Variants in TSPAN7 observed in about 807,000 individuals in gnomAD.
TSPAN7 encodes tetraspanin-7.
TSPAN7 carries 1 observed loss-of-function variant against 17.6 expected under a neutral mutation model. That is an observed-to-expected ratio of 0.06 (90% CI 0.02 to 0.27). The LOEUF is 0.27. Ranked by LOEUF, TSPAN7 falls within the 10% of genes least tolerant of loss-of-function variation. TSPAN7 has a pLI of 1.00. For missense variants in TSPAN7, 112 were observed against 201.7 expected (o/e 0.56, Z 2.69); for synonymous variants, 78 against 79.0 (o/e 0.99, Z 0.07).
At chrX:38,599,532 C>T (rs1001639379) in intron 1 of TSPAN7, among the ~76,000 whole-genome samples, 11 of 111,186 alleles carry the variant, frequency 9.9e-5, no homozygotes, top group African/African-American at 3.6e-4. Context: ...ATGGTGAATT[C>T]AAAGACAATA....
intron 1 of TSPAN7, among the ~76,000 whole-genome samples, chrX:38,615,233 T>C (rs1175141002): frequency 8.9e-6 from 1 of 111,899 alleles, no homozygotes; most frequent in African/African-American, 3.2e-5. Flanking sequence ...CATGGCTGCT[T>C]AGTTAAGTAC....
chrX:38,609,802 C>T (rs1347763814), intron 1 of TSPAN7, among the ~76,000 whole-genome samples: 1 of 110,208 alleles, frequency 9.1e-6, no homozygotes, highest in Non-Finnish European at 1.9e-5. Context: ...CCGTTCTTGC[C>T]AATTCCTGCA....
At chrX:38,651,050 CATAT>C (rs34201318) in intron 1 of TSPAN7, among the ~76,000 whole-genome samples, 13,949 of 97,956 alleles carry the variant, frequency 0.14, 907 homozygotes, top group East Asian at 0.26. Flanking sequence ...AATGTGATTA[CATAT>C]ATATATATAT....
chrX:38,615,648 A>G (rs1427381274), intron 1 of TSPAN7, among the ~76,000 whole-genome samples: 6 of 112,566 alleles, frequency 5.3e-5, no homozygotes, highest in Admixed American at 1.9e-4. Flanking sequence ...CCTAGAGAAG[A>G]AAATGATGGG....
At chrX:38,649,145 G>T (rs1371463352) in intron 1 of TSPAN7, among the ~76,000 whole-genome samples, 1 of 111,277 alleles carries the variant, frequency 9.0e-6, no homozygotes, top group Non-Finnish European at 1.9e-5. Flanking sequence ...TTAACAGATT[G>T]TGACACAGTG....
At chrX:38,645,482 C>T (rs1206376214) in intron 1 of TSPAN7, among the ~76,000 whole-genome samples, 1 of 111,484 alleles carries the variant, frequency 9.0e-6, no homozygotes, top group Non-Finnish European at 1.9e-5. Context: ...GAGCTCAAGC[C>T]CAGCCTGGGC....
At chrX:38,609,488 G>A (rs931467035) in intron 1 of TSPAN7, among the ~76,000 whole-genome samples, 2 of 110,581 alleles carry the variant, frequency 1.8e-5, no homozygotes, top group Admixed American at 9.7e-5. Flanking sequence ...GCAGCCAAGT[G>A]TCTGTTCTCA....
At chrX:38,634,829 G>C (rs138777451) in intron 1 of TSPAN7, among the ~76,000 whole-genome samples, 145 of 111,079 alleles carry the variant, frequency 1.3e-3, no homozygotes, top group African/African-American at 4.5e-3. Flanking sequence ...CTCAAGAGGT[G>C]CAAGGATGAG....
chrX:38,624,920 G>C (rs1602103798), intron 1 of TSPAN7, among the ~76,000 whole-genome samples: 1 of 112,539 alleles, frequency 8.9e-6, no homozygotes, highest in African/African-American at 3.2e-5. Context: ...ACTAAGGTTT[G>C]AGAGTTTCTA....
rs76677751 is a variant in TSPAN7, at chrX:38,663,081, C to T, written c.82-3040C>T. ...GAAACACGTTTATAGCAGCACGATT[C>T]GCAATTGCAAAAATATAGAACCAGT... On this transcript the variant is annotated intron_variant, in intron 1 of 7. Transcript: ENST00000378482. Among the ~76,000 whole-genome samples the T allele has an allele frequency of 1.9e-4, 21 of 109,828 alleles. 1 individual carries two copies. In the East Asian group the frequency reaches 5.7e-3, roughly 30 times the overall value.
intron 1 of TSPAN7, among the ~76,000 whole-genome samples, chrX:38,585,807 C>T (rs142277120): frequency 3.9e-3 from 431 of 111,519 alleles, no homozygotes; most frequent in Non-Finnish European, 6.8e-3. Flanking sequence ...GTGAAAAAAG[C>T]GTGGAACCTT....
intron 1 of TSPAN7, among the ~76,000 whole-genome samples, chrX:38,606,262 G>A (rs2069382194): frequency 9.0e-6 from 1 of 111,662 alleles, no homozygotes; most frequent in Non-Finnish European, 1.9e-5. Flanking sequence ...GACATGAACA[G>A]ACACTTCTTA....
intron 1 of TSPAN7, among the ~76,000 whole-genome samples, chrX:38,641,245 TG>T (rs920923743): frequency 8.9e-6 from 1 of 112,491 alleles, no homozygotes; most frequent in African/African-American, 3.2e-5. Flanking sequence ...AGAGAGGCTT[TG>T]AACTTTCACA....
At chrX:38,613,579 C>T (rs1486563223) in intron 1 of TSPAN7, among the ~76,000 whole-genome samples, 1 of 111,148 alleles carries the variant, frequency 9.0e-6, no homozygotes, top group East Asian at 2.8e-4. Flanking sequence ...TATTAGATGC[C>T]CTAGAGAAGC....
At chrX:38,617,821 A>G (rs2069464352) in intron 1 of TSPAN7, among the ~76,000 whole-genome samples, 1 of 111,975 alleles carries the variant, frequency 8.9e-6, no homozygotes, top group Non-Finnish European at 1.9e-5. Flanking sequence ...CATCCATTTG[A>G]TCAGATGGGT....
chrX:38,677,510 A>G (rs1455885613), intron 5 of TSPAN7, among the ~76,000 whole-genome samples: 2 of 111,825 alleles, frequency 1.8e-5, no homozygotes, highest in African/African-American at 6.5e-5. Flanking sequence ...AATCCTTACA[A>G]TTATTTCCAG....
chrX:38,591,056 T>A, intron 1 of TSPAN7, among the ~76,000 whole-genome samples: 1 of 111,199 alleles, frequency 9.0e-6, no homozygotes, highest in East Asian at 2.8e-4. Flanking sequence ...TCTCATTTTG[T>A]TCCTTCTACT....
At chrX:38,625,377 C>A (rs1374029554) in intron 1 of TSPAN7, among the ~76,000 whole-genome samples, 2 of 111,794 alleles carry the variant, frequency 1.8e-5, no homozygotes, top group Non-Finnish European at 3.8e-5. Flanking sequence ...CCTTTCTCAG[C>A]CTCCCTCAGA....
At chrX:38,635,502 T>C (rs2069575645) in intron 1 of TSPAN7, among the ~76,000 whole-genome samples, 1 of 111,832 alleles carries the variant, frequency 8.9e-6, no homozygotes, top group African/African-American at 3.3e-5. Context: ...GGTCTCTGGT[T>C]ACATTTCTTA....
Sources: gnomAD v4.1 joint callset for allele counts (sites outside exome capture counted in the v4.1 genomes callset) on GRCh38, gnomAD v4.1.1 for gene constraint, MANE v1.5 for transcripts, NCBI Gene and HGNC (gene_info 2026-07-23, HGNC 2026-07-21) for gene names.